Variants in TMEM132B observed in about 807,000 individuals in gnomAD.
TMEM132B encodes transmembrane protein 132B.
TMEM132B carries 18 observed loss-of-function variants against 90.8 expected under a neutral mutation model. That is an observed-to-expected ratio of 0.20 (90% CI 0.14 to 0.29). The LOEUF (loss-of-function observed/expected upper bound fraction) is 0.29, where lower values mean the gene tolerates loss of function less well. TMEM132B is among the 10% of genes least tolerant of loss of function. TMEM132B has a pLI of 1.00. For missense variants in TMEM132B, 1,096 were observed against 1,326.8 expected (o/e 0.83, Z 2.70); for synonymous variants, 504 against 523.3 (o/e 0.96, Z 0.50).
At chr12:125,485,725 G>C (rs1315203717) in intron 3 of TMEM132B, among the ~76,000 whole-genome samples, 3 of 152,148 alleles carry the variant, frequency 2.0e-5, no homozygotes, top group African/African-American at 7.2e-5. Flanking sequence ...GGAAGCTTTG[G>C]AATCTGAATA....
intron 1 of TMEM132B, among the ~76,000 whole-genome samples, chr12:125,216,463 A>T (rs1294483446): frequency 6.6e-6 from 1 of 152,180 alleles, no homozygotes; most frequent in Non-Finnish European, 1.5e-5. Context: ...GGGGAGGTGA[A>T]CACAAAACTT....
intron 2 of TMEM132B, among the ~76,000 whole-genome samples, chr12:125,356,083 A>G (rs1439552279): frequency 6.6e-6 from 1 of 152,144 alleles, no homozygotes; most frequent in Admixed American, 6.5e-5. Context: ...AAATATTATG[A>G]AATTCTGCCC....
At chr12:125,278,993 C>T (rs1170785975) in intron 1 of TMEM132B, among the ~76,000 whole-genome samples, 3 of 152,164 alleles carry the variant, frequency 2.0e-5, no homozygotes, top group African/African-American at 4.8e-5. Context: ...CCCTCTAGCC[C>T]GGCACTGAGA....
At chr12:125,653,248 G>A (rs1441725760) in intron 8 of TMEM132B, among the ~76,000 whole-genome samples, 1 of 152,184 alleles carries the variant, frequency 6.6e-6, no homozygotes, top group Non-Finnish European at 1.5e-5. Flanking sequence ...ACCTGAAATT[G>A]ATTCAGATAA....
At chr12:125,473,184 G>T (rs990659229) in intron 3 of TMEM132B, among the ~76,000 whole-genome samples, 3 of 152,036 alleles carry the variant, frequency 2.0e-5, no homozygotes, top group African/African-American at 7.3e-5. Flanking sequence ...CCACCTCAGG[G>T]CCTTTGCACT....
Position 125,415,492 on chromosome 12 carries a change from T to C in TMEM132B, c.960-39T>C. 7 of 1,605,860 alleles carry C rather than the reference T, an allele frequency of 4.4e-6. No homozygotes were observed. Among genetic ancestry groups the C allele is most frequent in the Non-Finnish European group, 5.1e-6 (6 of 1,176,124 alleles). Reference sequence around the variant, plus strand: ...TACTACCTGTTTCAAACTAAAATGGTTTTATTATATATAATATCATTGTTT... The same window carrying C: ...TACTACCTGTTTCAAACTAAAATGGCTTTATTATATATAATATCATTGTTT... On this transcript the variant is annotated intron_variant, in intron 2 of 8. Transcript: ENST00000682704. The surrounding 1 kb of genome is among the most constrained non-coding windows in gnomAD (Gnocchi z 5.3).
At chr12:125,201,168 G>T (rs1873049351) in intron 1 of TMEM132B, among the ~76,000 whole-genome samples, 1 of 152,118 alleles carries the variant, frequency 6.6e-6, no homozygotes, top group Non-Finnish European at 1.5e-5. Flanking sequence ...GAGAGGGTCT[G>T]CATATTTCAG....
chr12:125,322,620 A>G (rs1468693679), intron 1 of TMEM132B, among the ~76,000 whole-genome samples: 1 of 152,228 alleles, frequency 6.6e-6, no homozygotes, highest in Non-Finnish European at 1.5e-5. Context: ...AGCTAAACTC[A>G]TCAAACCATA....
Position 125,390,897 on chromosome 12 carries a change from T to C in TMEM132B, c.960-24634T>C, listed in dbSNP as rs566086806. 2.0e-5 allele frequency among the ~76,000 whole-genome samples: 3 copies of C among 152,218 alleles called. No homozygotes were observed. The South Asian group carries it at 6.2e-4, about 32-fold the overall frequency. ...GAAACTTTAAGAGGAAAAATATTGT[T>C]TTGGGGTAGCTAGGGTTTGGAGTGA... On this transcript the variant is annotated intron_variant, in intron 2 of 8. Coordinates refer to ENST00000682704, the MANE Select transcript of TMEM132B (RefSeq NM_001366854.1).
intron 3 of TMEM132B, among the ~76,000 whole-genome samples, chr12:125,444,718 C>T (rs1317609809): frequency 6.6e-6 from 1 of 152,150 alleles, no homozygotes; most frequent in Non-Finnish European, 1.5e-5. Flanking sequence ...TGCAATCAAA[C>T]ACTAATCTAG....
At chr12:125,417,277 A>G (rs1403367842) in intron 3 of TMEM132B, among the ~76,000 whole-genome samples, 1 of 152,178 alleles carries the variant, frequency 6.6e-6, no homozygotes, top group Admixed American at 6.5e-5. Context: ...CTTTCCAACA[A>G]TATCCATGGA....
intron 3 of TMEM132B, among the ~76,000 whole-genome samples, chr12:125,467,488 C>G (rs753464087): frequency 6.6e-6 from 1 of 152,076 alleles, no homozygotes; most frequent in East Asian, 1.9e-4. Flanking sequence ...GTCTTTGAAC[C>G]ATTCCTGTGG....
intron 1 of TMEM132B, among the ~76,000 whole-genome samples, chr12:125,190,987 T>C (rs1328795682): frequency 3.4e-5 from 1 of 29,066 alleles, no homozygotes; most frequent in Admixed American, 4.5e-4. Flanking sequence ...GTGATGGTGA[T>C]GGGGAAGGGG....
chr12:125,412,949 G>A (rs1276764739), intron 2 of TMEM132B, among the ~76,000 whole-genome samples: 1 of 152,136 alleles, frequency 6.6e-6, no homozygotes, highest in Non-Finnish European at 1.5e-5. Flanking sequence ...GGCAAGGCAT[G>A]GCATCTGAGT....
intron 1 of TMEM132B, among the ~76,000 whole-genome samples, chr12:125,263,631 A>G (rs1315778162): frequency 6.6e-6 from 1 of 152,200 alleles, no homozygotes; most frequent in Non-Finnish European, 1.5e-5. Context: ...TGTATCAAGA[A>G]TGAATGAAGT....
Position 125,662,043 on chromosome 12 carries a change from C to T in TMEM132B, c.*7333C>T, listed in dbSNP as rs2137076266. The T allele has an allele frequency of 6.6e-6, 1 of 152,384 alleles. No individual in the cohort carries two copies. Among genetic ancestry groups the T allele is most frequent in the South Asian group, 2.1e-4 (1 of 4,828 alleles). 9.4% of individuals were successfully genotyped at this position (152,384 alleles called of 1,614,324 possible). ...AGAACATAGTGAGTGGCCAAACCTA[C>T]ACAGCCCAGCCAGTAGTGTGCTTTG... On this transcript the variant is annotated 3_prime_UTR_variant, in exon 9 of 9. Transcript: ENST00000682704.
At position 125,654,653 on chromosome 12, in the gene TMEM132B, G is replaced by T. The variant is rs1169535565; in HGVS notation, c.3195G>T (p.Gly1065=). 1 of 1,614,212 alleles carries T rather than the reference G, an allele frequency of 6.2e-7. No homozygotes were observed. Among genetic ancestry groups the T allele is most frequent in the East Asian group, 2.2e-5 (1 of 44,894 alleles). ...DNIKWVCQDM[G]LGDSQDFRDY... is the part of the protein sequence containing the mutation. Reference sequence around the variant, plus strand: ...TCAAGTGGGTCTGCCAAGATATGGGGCTGGGGGATTCACAGGACTTTAGAG... The same window carrying T: ...TCAAGTGGGTCTGCCAAGATATGGGTCTGGGGGATTCACAGGACTTTAGAG... The change falls in exon 9 of 9, where the codon GGG becomes GGT. Residue 1065 remains glycine (G), a synonymous_variant. Transcript: ENST00000682704. This position sits in a 1 kb window ranked among gnomAD's most constrained non-coding sequence, Gnocchi z 5.8.
chr12:125,225,707 T>TA (rs778049874), intron 1 of TMEM132B, among the ~76,000 whole-genome samples: 1 of 152,218 alleles, frequency 6.6e-6, no homozygotes, highest in Non-Finnish European at 1.5e-5. Flanking sequence ...GCAGCTCACT[T>TA]ACCTCCGCGG....
intron 3 of TMEM132B, among the ~76,000 whole-genome samples, chr12:125,440,025 A>C (rs1880823691): frequency 6.6e-6 from 1 of 152,124 alleles, no homozygotes; most frequent in Non-Finnish European, 1.5e-5. Context: ...AGTCTACTTG[A>C]TCATGGTGGA....
Sources: gnomAD v4.1 joint callset for allele counts (sites outside exome capture counted in the v4.1 genomes callset) on GRCh38, gnomAD v4.1.1 for gene constraint, Gnocchi (gnomAD v3.1) non-coding constraint, MANE v1.5 for transcripts, NCBI Gene and HGNC (gene_info 2026-07-23, HGNC 2026-07-21) for gene names.